Variants in DNAJC2 observed in about 807,000 individuals in gnomAD.
The protein encoded by DNAJC2 is DnaJ heat shock protein family (Hsp40) member C2, also known as dnaJ homolog subfamily C member 2.
Under a neutral mutation model 94.0 loss-of-function variants are expected in DNAJC2, and 32 were observed. The observed-to-expected ratio is 0.34, with a 90% CI of 0.26 to 0.46. DNAJC2 has a LOEUF of 0.46. DNAJC2 is among the 20% of genes least tolerant of loss of function. The pLI is 1.00. For missense variants in DNAJC2, 550 were observed against 719.5 expected, an observed-to-expected ratio of 0.76 and a Z score of 2.69; for synonymous variants, 210 against 229.7, an observed-to-expected ratio of 0.91 and a Z score of 0.77.
chr7:103,326,441 T>C, intron 5 of DNAJC2, 102 bp downstream of exon 5: 2 of 1,175,748 alleles, frequency 1.7e-6, no homozygotes, highest in Non-Finnish European at 2.5e-6. Context: ...GTGGAAATAA[T>C]CTATAAATGA....
chr7:103,327,976 A>G (rs986445676), intron 3 of DNAJC2, among the ~76,000 whole-genome samples: 12 of 152,148 alleles, frequency 7.9e-5, no homozygotes, highest in African/African-American at 2.4e-4. Context: ...GCTGGAGTGT[A>G]ATGGCACGAT....
chr7:103,312,977 C>T lies in DNAJC2; in HGVS notation c.1761G>A (p.Arg587=). The T allele has an allele frequency of 1.9e-6, 3 of 1,613,938 alleles. No homozygotes were observed. Among genetic ancestry groups the T allele is most frequent in the Non-Finnish European group, 2.5e-6 (3 of 1,179,924 alleles). ...ATCGTTTCATGCAGTCCTTCTTTGT[C>T]CTGCCAGGCACCGCTTCTGCTATTT... is the stretch of plus-strand genomic sequence containing the variant. ...WEKIAEAVPG[R]TKKDCMKRYK... is the part of the protein sequence containing the mutation. Residue 587 remains arginine, a synonymous_variant, in exon 16 of 17, where the codon AGG becomes AGA. Transcript: ENST00000379263.
chr7:103,328,870 T>C (rs888824581), intron 3 of DNAJC2: 31 of 480,900 alleles, frequency 6.4e-5, no homozygotes, highest in Non-Finnish European at 8.9e-5. Context: ...TTATAAATAA[T>C]GCCAATTTGA....
chr7:103,315,627 G>A (rs575794139), intron 15 of DNAJC2, 137 bp downstream of exon 15: 115 of 574,814 alleles, frequency 2.0e-4, no homozygotes, highest in Non-Finnish European at 3.0e-4. Flanking sequence ...CTTTGCCCTG[G>A]AAATGTTTGC....
intron 10 of DNAJC2, among the ~76,000 whole-genome samples, chr7:103,320,665 A>T (rs1818337763): frequency 4.0e-5 from 6 of 150,368 alleles, no homozygotes. Flanking sequence ...CATGGCGTGA[A>T]CCCAGGAGGC....
In DNAJC2 at chr7:103,319,593, T is replaced by C. The variant is rs1563458619; in HGVS notation, c.1242+16A>G. On this transcript the variant is annotated intron_variant, in intron 12 of 16. Transcript: ENST00000379263. ...AAATGCTACATATAGGTAGGAGTGATGTGTTCCTCTATTACCTGTTTTTCC... is the reference window on the plus strand; with the variant it reads ...AAATGCTACATATAGGTAGGAGTGACGTGTTCCTCTATTACCTGTTTTTCC... 6.8e-6 allele frequency: 11 copies of C among 1,612,658 alleles called. 1 individual carries two copies. In the South Asian group the frequency reaches 1.2e-4, roughly 18 times the overall value.
At chr7:103,319,561 CAGAATTAAATGCTACA>C in intron 12 of DNAJC2, 32 bp downstream of exon 12, 1 of 1,568,852 alleles carries the variant, frequency 6.4e-7, no homozygotes, top group Non-Finnish European at 8.8e-7. Context: ...CAGGTCAAAG[CAGAATTAAATGCTACA>C]TATAGGTAGG....
Position 103,326,574 on chromosome 7 carries a change from C to T in DNAJC2, c.541G>A (p.Val181Met), listed in dbSNP as rs1337463338. The change falls in exon 5 of 17, where the codon GTG becomes ATG. Residue 181 changes from valine to methionine, a missense_variant. Coordinates refer to ENST00000379263, the MANE Select transcript of DNAJC2 (RefSeq NM_014377.3). ...TTCCTTTCAAACACTGGGGTAAACA[C>T]TTCGAAGAAATTATCCTTTGCTTCA... ...KSEAKDNFFE[V>M]FTPVFERNSR... is the part of the protein sequence containing the mutation. The T allele has an allele frequency of 6.2e-7, 1 of 1,614,002 alleles. No individual in the cohort carries two copies. The highest frequency in any genetic ancestry group is 8.5e-7 in the Non-Finnish European group (1 of 1,179,974).
intron 10 of DNAJC2, among the ~76,000 whole-genome samples, chr7:103,320,660 C>T (rs1818337243): frequency 2.0e-5 from 3 of 150,622 alleles, no homozygotes; most frequent in South Asian, 2.1e-4. Context: ...AGGAGCATGG[C>T]GTGAACCCAG....
chr7:103,327,052 G>A (rs1334384064), intron 4 of DNAJC2, among the ~76,000 whole-genome samples: 1 of 152,190 alleles, frequency 6.6e-6, no homozygotes, highest in Admixed American at 6.5e-5. Context: ...CTGGCAAAGA[G>A]TAAATATGAA....
chr7:103,315,002 G>A (rs1208141809), intron 15 of DNAJC2, among the ~76,000 whole-genome samples: 6 of 152,052 alleles, frequency 3.9e-5, no homozygotes, highest in Non-Finnish European at 8.8e-5. Context: ...AAAGACACAC[G>A]TGATCAAGAG....
chr7:103,344,591 C>A lies in DNAJC2; in HGVS notation c.32G>T (p.Arg11Leu), dbSNP rs1252654735. The change falls in exon 1 of 17, where the codon CGG becomes CTG. Residue 11 changes from arginine (R) to leucine (L), a missense_variant. Arg to Leu is a moderately radical substitution (Grantham distance 102). This residue lies in a region of DNAJC2 where 279 missense variants were observed against 416.9 expected (regional missense o/e 0.67). Transcript: ENST00000379263. MLLLPSAADG[R>L]GTAITHALTS... is the part of the protein sequence containing the mutation. ...CAGAGCGTGGGTGATGGCGGTGCCC[C>A]GGCCGTCCGCGGCGCTTGGCAGAAG... The A allele has an allele frequency of 6.2e-7, 1 of 1,612,710 alleles. No homozygotes were observed. The highest frequency in any genetic ancestry group is 1.3e-5 in the African/African-American group (1 of 74,918).
At chr7:103,319,146 A>C (rs886640877) in intron 12 of DNAJC2, among the ~76,000 whole-genome samples, 1 of 152,082 alleles carries the variant, frequency 6.6e-6, no homozygotes, top group Non-Finnish European at 1.5e-5. Flanking sequence ...TCAAAAACAA[A>C]AACAAAAACA....
chr7:103,339,327 C>T (rs1163356334), intron 2 of DNAJC2, among the ~76,000 whole-genome samples: 2 of 152,198 alleles, frequency 1.3e-5, no homozygotes, highest in Admixed American at 6.5e-5. Flanking sequence ...CTACCTTACT[C>T]TGATACAATC....
intron 1 of DNAJC2, 55 bp from the exon 2 acceptor site, chr7:103,342,009 T>C (rs1819391400): frequency 3.8e-6 from 5 of 1,319,350 alleles, no homozygotes; most frequent in Non-Finnish European, 5.0e-6. Context: ...ATAAATATGT[T>C]TCAAGGCAAT....
In DNAJC2 at chr7:103,337,248, C is replaced by T. The variant is rs543200630; in HGVS notation, c.331+488G>A. On this transcript the variant is annotated intron_variant, in intron 3 of 16. Transcript: ENST00000379263. Reference sequence around the variant, plus strand: ...TGAAGACTGGGGTCCCAACATTACCCTCTCCCATGCCAAATTATAACCTTG... The same window carrying T: ...TGAAGACTGGGGTCCCAACATTACCTTCTCCCATGCCAAATTATAACCTTG... 7.8e-5 allele frequency: 12 copies of T among 153,498 alleles called. No homozygotes were observed. The East Asian group carries it at 2.3e-3, about 29-fold the overall frequency. The allele number at this position is 153,498 out of a possible 1,614,324, so 9.5% of individuals were successfully genotyped here.
chr7:103,344,271 G>A (rs1239858591), intron 1 of DNAJC2: 5 of 509,582 alleles, frequency 9.8e-6, no homozygotes, highest in Non-Finnish European at 1.4e-5. Context: ...CCTTTCTGGG[G>A]TGCTGGGGGG....
chr7:103,312,797 G>C (rs1817824062), intron 16 of DNAJC2, 150 bp downstream of exon 16: 1 of 1,509,118 alleles, frequency 6.6e-7, no homozygotes, highest in Non-Finnish European at 8.8e-7. Flanking sequence ...TTCTAAGGTT[G>C]CTCATTTCTT....
At chr7:103,344,516 G>C (rs1298909202) in intron 1 of DNAJC2, 43 bp downstream of exon 1, 2 of 1,609,130 alleles carry the variant, frequency 1.2e-6, no homozygotes, top group Non-Finnish European at 1.7e-6. Context: ...CTGAGGCAGG[G>C]GCAGCTGAGG....
Sources: gnomAD v4.1 joint callset for allele counts (sites outside exome capture counted in the v4.1 genomes callset) on GRCh38, gnomAD v4.1.1 for gene constraint, gnomAD v4.1.1 regional missense constraint, MANE v1.5 for transcripts, NCBI Gene and HGNC (gene_info 2026-07-23, HGNC 2026-07-21) for gene names.